The following PBDC1 variants were observed in gnomAD, a reference collection of about 807,000 sequenced individuals.
PBDC1 encodes the protein protein PBDC1.
A neutral mutation model predicts 12.0 loss-of-function variants in PBDC1; 3 were observed. That is an observed-to-expected ratio of 0.25 (90% confidence interval 0.11 to 0.64). The LOEUF (loss-of-function observed/expected upper bound fraction) is 0.64, where lower values mean the gene tolerates loss of function less well. Among genes scored for constraint, PBDC1 ranks in the 30% least tolerant of loss-of-function variants. The pLI is 0.84. For missense variants in PBDC1, 162 were observed against 168.1 expected, an observed-to-expected ratio of 0.96 and a Z score of 0.20; for synonymous variants, 64 against 56.4, an observed-to-expected ratio of 1.13 and a Z score of -0.60.
intron 2 of PBDC1, 23 bp from the exon 3 acceptor site, chrX:76,174,867 T>C (rs1441763076): frequency 2.5e-6 from 3 of 1,187,791 alleles, no homozygotes; most frequent in Non-Finnish European, 3.4e-6. Context: ...ATTTATGACC[T>C]GGCATTCTTC....
chrX:76,177,651 C>T lies in PBDC1; in HGVS notation c.445C>T (p.Arg149Trp). Reference sequence around the variant, plus strand: ...ACAATTCTTTGCCATTGAAATTGCTCGGAACCGGGAAGGCTATAACAAAGC... The same window carrying T: ...ACAATTCTTTGCCATTGAAATTGCTTGGAACCGGGAAGGCTATAACAAAGC... Reference protein sequence around the residue: ...RIQFFAIEIARNREGYNKAVY... With the variant: ...RIQFFAIEIAWNREGYNKAVY... The change falls in exon 6 of 6, where the codon CGG (arginine) becomes TGG (tryptophan). Residue 149 changes from arginine (R) to tryptophan (W), a missense_variant. By Grantham distance (101) the Arg-to-Trp change is moderately radical (BLOSUM62 -3). This residue lies in a region of PBDC1 where 100 missense variants were observed against 96.2 expected (regional missense o/e 1.04). Coordinates refer to ENST00000373358, the MANE Select transcript of PBDC1 (RefSeq NM_016500.5). The T allele has an allele frequency of 8.4e-7, 1 of 1,184,390 alleles. No homozygotes were observed. Among genetic ancestry groups the T allele is most frequent in the South Asian group, 1.9e-5 (1 of 52,446 alleles).
At chrX:76,176,711 A>G (rs782788342) in intron 4 of PBDC1, among the ~76,000 whole-genome samples, 170 bp from the exon 5 acceptor site, 1 of 111,791 alleles carries the variant, frequency 8.9e-6, no homozygotes, top group East Asian at 2.8e-4. Context: ...CTAAAGACAC[A>G]ATAGGTAGCA....
At chrX:76,173,253 C>T in intron 1 of PBDC1, 85 bp downstream of exon 1, 4 of 886,294 alleles carry the variant, frequency 4.5e-6, no homozygotes, top group Non-Finnish European at 4.6e-6. Flanking sequence ...CAAGGTGTCA[C>T]TCAGTCGCCC....
At chrX:76,176,793 C>A in intron 4 of PBDC1, 88 bp from the exon 5 acceptor site, 1 of 578,148 alleles carries the variant, frequency 1.7e-6, no homozygotes. Flanking sequence ...GATTATTTTC[C>A]TTACTGGGAA....
At position 76,173,066 on chromosome X, in the gene PBDC1, G is replaced by A. The variant is rs1461402890; in HGVS notation, c.-73G>A. The A allele has an allele frequency of 5.5e-6, 6 of 1,094,939 alleles. No individual in the cohort carries two copies. In the African/African-American group the frequency reaches 7.4e-5, roughly 14 times the overall value. 90.2% of individuals were successfully genotyped at this position (1,094,939 alleles called of 1,213,427 possible). On this transcript the variant is annotated 5_prime_UTR_variant, in exon 1 of 6. Transcript: ENST00000373358. ...GGGAGAGCGCACGGTGGAGCCGCCAGTTGAGAAGGACTCTGATCCGGCTCA... is the reference window on the plus strand; with the variant it reads ...GGGAGAGCGCACGGTGGAGCCGCCAATTGAGAAGGACTCTGATCCGGCTCA...
At chrX:76,177,551 CAAAA>C in intron 5 of PBDC1, 61 bp from the exon 6 acceptor site, 3 of 1,055,256 alleles carry the variant, frequency 2.8e-6, no homozygotes, top group Non-Finnish European at 3.8e-6. Flanking sequence ...GACCCTGTCT[CAAAA>C]AAAAGAGATT....
In PBDC1 at chrX:76,177,551, C is replaced by CA. The variant is rs782753593; in HGVS notation, c.410-57dup. On this transcript the variant is annotated intron_variant, in intron 5 of 5. Coordinates refer to ENST00000373358, the MANE Select transcript of PBDC1 (RefSeq NM_016500.5). Reference sequence around the variant, plus strand: ...TGGTCATCAGAGTGAGACCCTGTCTCAAAAAAAAGAGATTTAGGGAATAAG... The same window carrying CA: ...TGGTCATCAGAGTGAGACCCTGTCTCAAAAAAAAAGAGATTTAGGGAATAAG... The CA allele has an allele frequency of 1.6e-4, 166 of 1,053,255 alleles. No individual in the cohort carries two copies. The South Asian group carries it at 2.0e-3, about 13-fold the overall frequency. 86.8% of individuals were successfully genotyped at this position (1,053,255 alleles called of 1,213,427 possible).
chrX:76,175,345 A>G, intron 3 of PBDC1, 128 bp from the exon 4 acceptor site: 3 of 579,427 alleles, frequency 5.2e-6, no homozygotes, highest in Non-Finnish European at 8.4e-6. Flanking sequence ...TCTAGGATGT[A>G]GACTGTCGAC....
intron 1 of PBDC1, 24 bp downstream of exon 1, chrX:76,173,192 G>A (rs1201111456): frequency 1.7e-6 from 2 of 1,149,987 alleles, no homozygotes; most frequent in Non-Finnish European, 2.3e-6. Context: ...CTGGGGTCGG[G>A]TGAGTGGGGA....
chrX:76,173,711 T>C, intron 2 of PBDC1, 61 bp downstream of exon 2: 3 of 767,858 alleles, frequency 3.9e-6, no homozygotes, highest in Non-Finnish European at 5.4e-6. Flanking sequence ...CTGCAGGACC[T>C]GCCTGCCACT....
chrX:76,177,448 G>T (rs985551724), intron 5 of PBDC1, among the ~76,000 whole-genome samples, 168 bp from the exon 6 acceptor site: 2 of 111,193 alleles, frequency 1.8e-5, no homozygotes, highest in African/African-American at 6.6e-5. Context: ...CTATTCAGGA[G>T]ATTGAGGCAG....
At position 76,178,097 on chromosome X, in the gene PBDC1, A is replaced by G; in HGVS notation, c.*189A>G. ...TTCCCTTGTATGAACTGGTCTAAAGACTGTTAGTGGGGTGTTAGTTGATTT... is the reference window on the plus strand; with the variant it reads ...TTCCCTTGTATGAACTGGTCTAAAGGCTGTTAGTGGGGTGTTAGTTGATTT... On this transcript the variant is annotated 3_prime_UTR_variant, in exon 6 of 6. Transcript: ENST00000373358. 1.4e-6 allele frequency: 1 copy of G among 725,296 alleles called. No homozygotes were observed. Among genetic ancestry groups the G allele is most frequent in the East Asian group, 3.6e-5 (1 of 27,828 alleles). 59.8% of individuals were successfully genotyped at this position (725,296 alleles called of 1,213,427 possible).
rs1924764739 is a variant in PBDC1 at position 76,175,341 on chromosome X, A to C, written c.157-132A>C. ...AAACTGTGTCATGATTTCATCTAGGATGTAGACTGTCGACACTTCCTGAAG... is the reference window on the plus strand; with the variant it reads ...AAACTGTGTCATGATTTCATCTAGGCTGTAGACTGTCGACACTTCCTGAAG... On this transcript the variant is annotated intron_variant, in intron 3 of 5. Transcript: ENST00000373358. The C allele has an allele frequency of 8.8e-6, 5 of 566,188 alleles. No individual in the cohort carries two copies. The Admixed American group carries it at 1.8e-4, about 20-fold the overall frequency. 46.7% of individuals were successfully genotyped at this position (566,188 alleles called of 1,213,427 possible).
Position 76,177,858 on chromosome X carries a change from G to A in PBDC1, c.652G>A (p.Gly218Arg). Residue 218 changes from glycine (G) to arginine (R), a missense_variant, in exon 6 of 6, where the codon GGG becomes AGG. Around this residue, in one of 3 missense-constraint regions of PBDC1, gnomAD observed 100 missense variants for 96.2 expected, o/e 1.04. Coordinates refer to ENST00000373358, the MANE Select transcript of PBDC1 (RefSeq NM_016500.5). ...EDKTDKGGEKGKEADKEINKS... is the reference protein window; with the variant it reads ...EDKTDKGGEKRKEADKEINKS... ...CAAAACTGACAAAGGAGGAGAAAAA[G>A]GGAAAGAAGCTGACAAAGAAATCAA... The A allele has an allele frequency of 8.3e-7, 1 of 1,210,406 alleles. No homozygotes were observed. The highest frequency in any genetic ancestry group is 1.1e-6 in the Non-Finnish European group (1 of 894,961).
chrX:76,177,959 G>A lies in PBDC1; in HGVS notation c.*51G>A, dbSNP rs782786228. 5.8e-6 allele frequency: 7 copies of A among 1,198,720 alleles called. No homozygotes were observed. The highest frequency in any genetic ancestry group is 1.8e-5 in the African/African-American group (1 of 57,025). On this transcript the variant is annotated 3_prime_UTR_variant, in exon 6 of 6. Transcript: ENST00000373358. ...AGCTATGACTCAATTGAGACTACAA[G>A]TACCACGGTGCTACTTGCACAGACC...
At chrX:76,177,482 T>C in intron 5 of PBDC1, 134 bp from the exon 6 acceptor site, 2 of 539,513 alleles carry the variant, frequency 3.7e-6, no homozygotes, top group Middle Eastern at 4.8e-4. Flanking sequence ...ACCAGGGAAA[T>C]TGAGGCTGCA....
At position 76,177,965 on chromosome X, in the gene PBDC1, C is replaced by T. The variant is rs41305417; in HGVS notation, c.*57C>T. ...GACTCAATTGAGACTACAAGTACCA[C>T]GGTGCTACTTGCACAGACCCCTTTG... On this transcript the variant is annotated 3_prime_UTR_variant, in exon 6 of 6. Coordinates refer to ENST00000373358, the MANE Select transcript of PBDC1 (RefSeq NM_016500.5). The T allele has an allele frequency of 1.8e-5, 21 of 1,195,500 alleles. No homozygotes were observed. Among genetic ancestry groups the T allele is most frequent in the Admixed American group, 9.4e-5 (4 of 42,532 alleles).
chrX:76,176,796 A>G (rs1924803662), intron 4 of PBDC1, 85 bp from the exon 5 acceptor site: 1 of 582,944 alleles, frequency 1.7e-6, no homozygotes, highest in African/African-American at 2.3e-5. Context: ...TATTTTCCTT[A>G]CTGGGAAAAT....
At chrX:76,174,696 G>T (rs1347116596) in intron 2 of PBDC1, among the ~76,000 whole-genome samples, 194 bp from the exon 3 acceptor site, 3 of 112,211 alleles carry the variant, frequency 2.7e-5, no homozygotes, top group Non-Finnish European at 5.6e-5. Context: ...TACTGTGTAG[G>T]TAGCTTTTTT....
Sources: allele counts gnomAD v4.1 joint callset (sites outside exome capture counted in the v4.1 genomes callset), GRCh38; gene constraint gnomAD v4.1.1; regional missense constraint gnomAD v4.1.1; transcripts MANE v1.5; gene names NCBI Gene and HGNC (gene_info 2026-07-23, HGNC 2026-07-21).